Variants in RC3H1 observed in about 807,000 individuals in gnomAD.
RC3H1 encodes roquin-1.
Under a neutral mutation model 138.2 loss-of-function variants are expected in RC3H1, and 50 were observed. The observed-to-expected ratio is 0.36, with a 90% CI of 0.29 to 0.46. The LOEUF (loss-of-function observed/expected upper bound fraction) is 0.46, where lower values mean the gene tolerates loss of function less well. Among genes scored for constraint, RC3H1 ranks in the 20% least tolerant of loss-of-function variants. The pLI is 1.00. For synonymous variants in RC3H1, 462 were observed against 489.1 expected (o/e 0.94, Z 0.73); for missense variants, 1,031 against 1,388.1 (o/e 0.74, Z 4.09).
At chr1:174,005,297 G>A (rs1051828846) in intron 1 of RC3H1, among the ~76,000 whole-genome samples, 2 of 152,168 alleles carry the variant, frequency 1.3e-5, no homozygotes, top group African/African-American at 4.8e-5. Flanking sequence ...GGCCTCAGGG[G>A]AGACTAGCAG....
Position 173,931,696 on chromosome 1 carries a change from G to T in RC3H1, c.*7025C>A, listed in dbSNP as rs952768258. The T allele has an allele frequency of 1.3e-5, 2 of 152,084 alleles. No homozygotes were observed. The highest frequency in any genetic ancestry group is 4.8e-5 in the African/African-American group (2 of 41,404). 9.4% of individuals were successfully genotyped at this position (152,084 alleles called of 1,614,324 possible). The stretch of plus-strand genomic sequence containing the variant: ...TAGGGTTCTTTTTCCTACTCCAAAA[G>T]AACTCTCAGGAGATAAGGTCTTCAA... On this transcript the variant is annotated 3_prime_UTR_variant, in exon 20 of 20. Coordinates refer to ENST00000367696, the MANE Select transcript of RC3H1 (RefSeq NM_172071.4).
intron 2 of RC3H1, among the ~76,000 whole-genome samples, chr1:173,986,108 G>A (rs1444396426): frequency 2.0e-5 from 3 of 149,276 alleles, no homozygotes; most frequent in African/African-American, 4.9e-5. Flanking sequence ...TGCAACCTCC[G>A]CCTCCTGGGT....
chr1:173,990,163 C>T (rs1661214412), intron 2 of RC3H1, among the ~76,000 whole-genome samples: 1 of 151,614 alleles, frequency 6.6e-6, no homozygotes, highest in Admixed American at 6.6e-5. Flanking sequence ...CTGCAACCTC[C>T]CTCTCCTGGG....
chr1:174,003,464 AC>A (rs1041410821), intron 1 of RC3H1, among the ~76,000 whole-genome samples: 50 of 150,994 alleles, frequency 3.3e-4, no homozygotes, highest in African/African-American at 1.2e-3. Context: ...TCACACCCCT[AC>A]CCATCAACTC....
At chr1:174,014,334 G>T (rs1267632647) in intron 1 of RC3H1, among the ~76,000 whole-genome samples, 2 of 151,682 alleles carry the variant, frequency 1.3e-5, no homozygotes, top group African/African-American at 4.8e-5. Context: ...GTATTTTTTT[G>T]AGCAATTTTT....
chr1:173,939,528 CAAAAAAAA>C (rs61301994), intron 19 of RC3H1, among the ~76,000 whole-genome samples: 4 of 35,942 alleles, frequency 1.1e-4, no homozygotes, highest in Non-Finnish European at 1.5e-4. Context: ...GAGATTTTAT[CAAAAAAAA>C]AAAAAAAAAA....
intron 10 of RC3H1, 84 bp from the exon 11 acceptor site, chr1:173,964,271 T>G: frequency 8.7e-7 from 1 of 1,155,286 alleles, no homozygotes. Flanking sequence ...TTGCTACAAT[T>G]TGGGAAACTC....
At chr1:173,941,510 T>C (rs1421565022) in intron 18 of RC3H1, 130 bp from the exon 19 acceptor site, 2 of 615,540 alleles carry the variant, frequency 3.2e-6, no homozygotes, top group African/African-American at 1.9e-5. Context: ...CCAAAGAAAC[T>C]GGCAGACTAA....
chr1:173,964,134 A>G lies in RC3H1; in HGVS notation c.1670T>C (p.Ile557Thr). 2 of 1,614,164 alleles carry G rather than the reference A, an allele frequency of 1.2e-6. No homozygotes were observed. The highest frequency in any genetic ancestry group is 4.5e-5 in the East Asian group (2 of 44,876). The change falls in exon 11 of 20, where the codon ATA (isoleucine) becomes ACA (threonine). Residue 557 changes from isoleucine to threonine, a missense_variant. Ile to Thr is a moderately conservative substitution (Grantham distance 89). Coordinates refer to ENST00000367696, the MANE Select transcript of RC3H1 (RefSeq NM_172071.4). ...ISALPVNPHS[I>T]PPRGPADLPP... ...CAGATCTGCTGGCCCCCTTGGAGGT[A>G]TAGAATGTGGATTCACAGGTAAGGC...
chr1:173,942,033 G>A (rs1658892966), intron 18 of RC3H1, among the ~76,000 whole-genome samples: 2 of 151,194 alleles, frequency 1.3e-5, no homozygotes, highest in South Asian at 4.2e-4. Context: ...GAGGTCAGGA[G>A]TTTGAGATCA....
At chr1:173,971,455 G>C (rs1030574825) in intron 8 of RC3H1, among the ~76,000 whole-genome samples, 2 of 152,036 alleles carry the variant, frequency 1.3e-5, no homozygotes, top group Admixed American at 1.3e-4. Context: ...TTGACATGCA[G>C]AATAATATAT....
In RC3H1 at chr1:174,020,974, A is replaced by G. The variant is rs1280267906; in HGVS notation, c.-151+1122T>C. ...TAGTGAGCCGAGATTGTGCCACTGC[A>G]ATCCAGCCTGGGTGACAGAGCAAGA... On this transcript the variant is annotated intron_variant, in intron 1 of 19. Transcript: ENST00000367696. Among the ~76,000 whole-genome samples the G allele has an allele frequency of 2.0e-5, 3 of 152,324 alleles. No homozygotes were observed. The East Asian group carries it at 5.8e-4, about 29-fold the overall frequency.
chr1:173,974,659 T>C (rs1660500258), intron 7 of RC3H1, among the ~76,000 whole-genome samples: 1 of 151,388 alleles, frequency 6.6e-6, no homozygotes, highest in African/African-American at 2.4e-5. Context: ...GGGAATTAAG[T>C]GGAAAAAAAG....
Position 173,992,760 on chromosome 1 carries a change from C to A in RC3H1, c.226G>T (p.Ala76Ser). Residue 76 changes from alanine (A) to serine (S), a missense_variant, in exon 2 of 20, where the codon GCT becomes TCT. Ala to Ser is a moderately conservative substitution (Grantham distance 99). Around this residue, in one of 7 missense-constraint regions of RC3H1, gnomAD observed 80 missense variants for 81.1 expected, o/e 0.99. Coordinates refer to ENST00000367696, the MANE Select transcript of RC3H1 (RefSeq NM_172071.4). The part of the protein sequence containing the change: ...VNSALLQLVG[A>S]QVPEQQPITL... ...TATTAAGTCACCCATCCTACCTGAG[C>A]ACCCACGAGCTGCAGCAATGCTGAG... is the stretch of plus-strand genomic sequence containing the variant. 6.2e-7 allele frequency: 1 copy of A among 1,612,272 alleles called. No homozygotes were observed. The highest frequency in any genetic ancestry group is 8.5e-7 in the Non-Finnish European group (1 of 1,178,592).
chr1:173,963,313 C>T (rs1326942450), intron 11 of RC3H1, among the ~76,000 whole-genome samples: 1 of 151,900 alleles, frequency 6.6e-6, no homozygotes, highest in East Asian at 1.9e-4. Context: ...TAGGGCATTT[C>T]TTCCATTAAG....
At position 173,964,841 on chromosome 1, in the gene RC3H1, G is replaced by A. The variant is rs377030177; in HGVS notation, c.1614C>T (p.Asp538=). The A allele has an allele frequency of 2.3e-5, 37 of 1,613,588 alleles. No individual in the cohort carries two copies. Among genetic ancestry groups the A allele is most frequent in the Middle Eastern group, 1.6e-4 (1 of 6,070 alleles). The change falls in exon 10 of 20, where the codon GAC becomes GAT. Residue 538 remains aspartate (D), a splice_region_variant and synonymous_variant. Transcript: ENST00000367696. ...TAAGAGTTAGAAAAATGACGTACAG[G>A]TCAGGAGGGGATCCAGGAGCACTAC... The part of the protein sequence containing the change: ...LSSSAPGSPP[D]LLESVPKSIS...
In RC3H1 at chr1:173,961,739, G is replaced by T. The variant is rs1187616101; in HGVS notation, c.2188C>A (p.Pro730Thr). ...ATACAGCATACTCTGAGGTACGAAG[G>T]TCTGATCTGAGTTGGATGAGGAGCC... is the stretch of plus-strand genomic sequence containing the variant. ...PVAPHPTQIR[P>T]SYLREPPYSR... The change falls in exon 12 of 20, where the codon CCT (proline) becomes ACT (threonine). Residue 730 changes from proline (P) to threonine (T), a missense_variant. This residue lies in a region of RC3H1 where 716 missense variants were observed against 837.9 expected (regional missense o/e 0.85). Transcript: ENST00000367696. 2 of 1,612,030 alleles carry T rather than the reference G, an allele frequency of 1.2e-6. No homozygotes were observed. Among genetic ancestry groups the T allele is most frequent in the Non-Finnish European group, 1.7e-6 (2 of 1,179,664 alleles).
At chr1:173,990,243 T>G (rs1661218001) in intron 2 of RC3H1, among the ~76,000 whole-genome samples, 1 of 150,802 alleles carries the variant, frequency 6.6e-6, no homozygotes, top group Admixed American at 6.6e-5. Flanking sequence ...ACCTGGCTAA[T>G]TTTTCTATTT....
At position 173,982,885 on chromosome 1, in the gene RC3H1, A is replaced by G; in HGVS notation, c.610T>C (p.Leu204=). 6.2e-7 allele frequency: 1 copy of G among 1,611,520 alleles called. No homozygotes were observed. Among genetic ancestry groups the G allele is most frequent in the Non-Finnish European group, 8.5e-7 (1 of 1,179,026 alleles). Residue 204 remains leucine (L), a synonymous_variant, in exon 5 of 20, where the codon TTA becomes CTA. Transcript: ENST00000367696. ...TCTAAGGCCAGCAGAACCAACTTTA[A>G]AGCTTCCTCCTGCATTGCTAGGGAA... ...FLGPAMQEEA[L]KLVLLALEDG...
Sources: allele counts gnomAD v4.1 joint callset (sites outside exome capture counted in the v4.1 genomes callset), GRCh38; gene constraint gnomAD v4.1.1; regional missense constraint gnomAD v4.1.1; transcripts MANE v1.5; gene names NCBI Gene and HGNC (gene_info 2026-07-23, HGNC 2026-07-21).